Variants in CACNA1A observed in about 807,000 individuals in gnomAD.
CACNA1A encodes the protein voltage-dependent P/Q-type calcium channel subunit alpha-1A.
In CACNA1A, 57 loss-of-function variants were observed where a neutral mutation model predicts 262.4. That is an observed-to-expected ratio of 0.22 (90% CI 0.18 to 0.27). The LOEUF (loss-of-function observed/expected upper bound fraction) is 0.27, where lower values mean the gene tolerates loss of function less well. Ranked by LOEUF, CACNA1A falls within the 10% of genes least tolerant of loss-of-function variation. The pLI is 1.00. For synonymous variants in CACNA1A, 1,431 were observed against 1,419.3 expected (o/e 1.01, Z -0.18); for missense variants, 2,526 against 3,562.8 (o/e 0.71, Z 7.41).
rs184566156 is a variant in CACNA1A at position 13,399,241 on chromosome 19, A to G, written c.540-27462T>C. Among the ~76,000 whole-genome samples the G allele has an allele frequency of 3.9e-5, 6 of 152,220 alleles. No individual in the cohort carries two copies. In the East Asian group the frequency reaches 1.2e-3, roughly 29 times the overall value. ...AGCCTGGAGTTATGCGTGATTGGGCAGATGCCTTAGGACTGATCAGGTTTT... is the reference window on the plus strand; with the variant it reads ...AGCCTGGAGTTATGCGTGATTGGGCGGATGCCTTAGGACTGATCAGGTTTT... On this transcript the variant is annotated intron_variant, in intron 3 of 46. Transcript: ENST00000360228.
intron 18 of CACNA1A, among the ~76,000 whole-genome samples, chr19:13,300,164 G>T (rs1232444400): frequency 6.6e-6 from 1 of 152,084 alleles, no homozygotes; most frequent in Non-Finnish European, 1.5e-5. Flanking sequence ...TGACAACTTC[G>T]TTTAAAATCA....
intron 38 of CACNA1A, among the ~76,000 whole-genome samples, chr19:13,221,302 C>T (rs1235488053): frequency 1.5e-5 from 2 of 131,076 alleles, no homozygotes; most frequent in Non-Finnish European, 3.1e-5. Flanking sequence ...GGTTTGATCT[C>T]GGCTCACTGC....
At chr19:13,303,291 C>T (rs2057826153) in intron 17 of CACNA1A, among the ~76,000 whole-genome samples, 1 of 152,160 alleles carries the variant, frequency 6.6e-6, no homozygotes, top group Admixed American at 6.5e-5. Context: ...TTGAGTTTGC[C>T]ATCCGTTTCC....
chr19:13,357,768 C>T (rs12610015), intron 6 of CACNA1A, among the ~76,000 whole-genome samples: 11,288 of 152,164 alleles, frequency 0.074, 636 homozygotes, highest in African/African-American at 0.15. Flanking sequence ...CTTTGGGAGG[C>T]TGAGGCAGGA....
intron 19 of CACNA1A, among the ~76,000 whole-genome samples, chr19:13,297,976 G>A (rs1268942694): frequency 6.6e-6 from 1 of 151,916 alleles, no homozygotes; most frequent in Non-Finnish European, 1.5e-5. Flanking sequence ...AATACAGGTG[G>A]GCACCACCAC....
intron 3 of CACNA1A, among the ~76,000 whole-genome samples, chr19:13,393,948 T>C (rs531856560): frequency 5.9e-5 from 9 of 152,206 alleles, no homozygotes; most frequent in African/African-American, 2.2e-4. Flanking sequence ...CACTCGGCTA[T>C]GTTCTGTTTC....
intron 1 of CACNA1A, among the ~76,000 whole-genome samples, chr19:13,471,358 A>C (rs533446140): frequency 1.8e-4 from 28 of 152,248 alleles, no homozygotes; most frequent in African/African-American, 6.5e-4. Context: ...TTTCTCTATT[A>C]ACCTTTGTTA....
chr19:13,332,793 C>T, intron 9 of CACNA1A, 76 bp downstream of exon 9: 1 of 926,490 alleles, frequency 1.1e-6, no homozygotes, highest in Admixed American at 1.8e-5. Context: ...CAGTCACCTG[C>T]TCTCCCCCGA....
chr19:13,475,987 G>A (rs543799304), intron 1 of CACNA1A, among the ~76,000 whole-genome samples: 1 of 152,304 alleles, frequency 6.6e-6, no homozygotes, highest in Admixed American at 6.5e-5. Context: ...GGCTATATAA[G>A]GAGGCGGGGA....
intron 38 of CACNA1A, among the ~76,000 whole-genome samples, chr19:13,218,445 C>T (rs947837228): frequency 2.0e-5 from 3 of 152,180 alleles, no homozygotes; most frequent in Admixed American, 1.3e-4. Context: ...GTACACGGTG[C>T]GTGTTGTCAC....
At chr19:13,385,792 A>G (rs1461537606) in intron 3 of CACNA1A, among the ~76,000 whole-genome samples, 1 of 152,206 alleles carries the variant, frequency 6.6e-6, no homozygotes, top group Non-Finnish European at 1.5e-5. Flanking sequence ...ATGAATAATG[A>G]AGCAAAAATG....
intron 3 of CACNA1A, among the ~76,000 whole-genome samples, chr19:13,374,539 T>C (rs2059373881): frequency 1.3e-5 from 2 of 151,484 alleles, no homozygotes; most frequent in South Asian, 2.1e-4. Context: ...TATGAGCTAC[T>C]GCACTTGGCC....
chr19:13,366,108 C>T (rs974234908), intron 4 of CACNA1A: 1 of 152,056 alleles, frequency 6.6e-6, no homozygotes, highest in Non-Finnish European at 1.5e-5. Flanking sequence ...CCTGCCTCAG[C>T]CTCCCGAGTA....
chr19:13,347,773 T>C (rs1267181091), intron 6 of CACNA1A, among the ~76,000 whole-genome samples: 1 of 152,238 alleles, frequency 6.6e-6, no homozygotes, highest in Non-Finnish European at 1.5e-5. Flanking sequence ...GGTTGTTGAA[T>C]GAACCAGTGA....
chr19:13,257,619 A>C (rs2056605932), intron 27 of CACNA1A, 68 bp from the exon 28 acceptor site: 1 of 989,150 alleles, frequency 1.0e-6, no homozygotes, highest in Middle Eastern at 2.1e-4. Context: ...AGGGGTGATG[A>C]GGAAGGTGGA....
intron 8 of CACNA1A, chr19:13,333,990 T>G (rs763520080): frequency 1.6e-4 from 29 of 182,608 alleles, no homozygotes; most frequent in Non-Finnish European, 3.0e-4. Flanking sequence ...TATCAGGCAC[T>G]TCTCTCCCCA....
intron 3 of CACNA1A, among the ~76,000 whole-genome samples, chr19:13,441,955 G>C (rs2060729247): frequency 6.6e-6 from 1 of 152,216 alleles, no homozygotes; most frequent in Non-Finnish European, 1.5e-5. Context: ...AAGAAGCTCA[G>C]TATGGAACAA....
chr19:13,283,945 A>C (rs539500176), intron 21 of CACNA1A: 3 of 152,744 alleles, frequency 2.0e-5, no homozygotes, highest in Non-Finnish European at 4.4e-5. Flanking sequence ...TAGGGGCTCC[A>C]AAAAGTTAGT....
At chr19:13,264,178 A>T (rs1230613572) in intron 24 of CACNA1A, among the ~76,000 whole-genome samples, 1 of 152,064 alleles carries the variant, frequency 6.6e-6, no homozygotes, top group Non-Finnish European at 1.5e-5. Flanking sequence ...CCCCAAGAGG[A>T]GGGTATTGAG....
Sources: gnomAD v4.1 joint callset for allele counts (sites outside exome capture counted in the v4.1 genomes callset) on GRCh38, gnomAD v4.1.1 for gene constraint, MANE v1.5 for transcripts, NCBI Gene and HGNC (gene_info 2026-07-23, HGNC 2026-07-21) for gene names.